Variants in ZBBX observed in about 807,000 individuals in gnomAD.
ZBBX encodes zinc finger B-box domain containing.
A neutral mutation model predicts 108.5 loss-of-function variants in ZBBX; 101 were observed. The ratio of observed to expected loss-of-function variants is 0.93; its 90% CI spans 0.79 to 1.10. The LOEUF is 1.10. Ranked by LOEUF, ZBBX falls within the 50% of genes least tolerant of loss-of-function variation. The pLI, the probability that ZBBX is intolerant of heterozygous loss-of-function variation, is 0.00. For synonymous variants in ZBBX, 356 were observed against 323.4 expected (o/e 1.10, Z -1.08); for missense variants, 1,009 against 941.4 (o/e 1.07, Z -0.94).
downstream of ZBBX, among the ~76,000 whole-genome samples, chr3:167,237,102 G>A (rs1177803413): frequency 1.3e-5 from 2 of 151,616 alleles, no homozygotes; most frequent in African/African-American, 2.4e-5. Context: ...AAATAGCTGA[G>A]AAGCCATTTC....
intron 9 of ZBBX, among the ~76,000 whole-genome samples, chr3:167,341,134 C>T (rs949267824): frequency 1.3e-5 from 2 of 151,824 alleles, no homozygotes; most frequent in African/African-American, 2.4e-5. Context: ...TTAACCTTTC[C>T]TCTAAAGGTC....
chr3:167,249,883 G>C (rs1722272445), intron 20 of ZBBX, among the ~76,000 whole-genome samples: 1 of 152,172 alleles, frequency 6.6e-6, no homozygotes, highest in Non-Finnish European at 1.5e-5. Flanking sequence ...TGGGATCCCA[G>C]TGACGAGATG....
chr3:167,331,168 T>C (rs1338779415), intron 10 of ZBBX, among the ~76,000 whole-genome samples: 2 of 100,552 alleles, frequency 2.0e-5, no homozygotes, highest in Non-Finnish European at 2.0e-5. Flanking sequence ...TATTTTGTTA[T>C]GGCAGCCTGA....
Position 167,398,883 on chromosome 3 carries a change from A to G in ZBBX, c.-446+8843T>C, listed in dbSNP as rs141585130. The stretch of plus-strand genomic sequence containing the variant: ...GGTTATTAAGGTTCTGCCCTCATGA[A>G]TGGGTTAATCTATTCATGGATTAAT... On this transcript the variant is annotated intron_variant, in intron 1 of 21. Coordinates refer to the ZBBX transcript ENST00000455345. Among the ~76,000 whole-genome samples the G allele has an allele frequency of 3.1e-3, 468 of 152,104 alleles. 6 individuals are homozygous for G. The highest frequency in any genetic ancestry group is 0.011 in the African/African-American group (441 of 41,520).
chr3:167,349,266 T>A (rs1433677697), intron 9 of ZBBX, among the ~76,000 whole-genome samples: 1 of 152,112 alleles, frequency 6.6e-6, no homozygotes, highest in Admixed American at 6.6e-5. Flanking sequence ...ACAGTATTTA[T>A]CTACAAAGTA....
At chr3:167,404,441 AC>A (rs1449017876) in intron 1 of ZBBX, among the ~76,000 whole-genome samples, 46 of 152,214 alleles carry the variant, frequency 3.0e-4, no homozygotes, top group African/African-American at 1.1e-3. Context: ...AAAACCAATC[AC>A]TGAGACAATG....
chr3:167,320,235 A>G (rs1736199959), intron 12 of ZBBX, among the ~76,000 whole-genome samples: 2 of 140,038 alleles, frequency 1.4e-5, no homozygotes, highest in Admixed American at 1.5e-4. Flanking sequence ...TGTTCAAAGC[A>G]AACTAACCAA....
chr3:167,364,249 T>A (rs920331745), intron 6 of ZBBX, among the ~76,000 whole-genome samples: 1 of 151,720 alleles, frequency 6.6e-6, no homozygotes, highest in African/African-American at 2.4e-5. Context: ...TGTTAACAAC[T>A]GAAAATGTCT....
chr3:167,265,783 C>A (rs1175476743), intron 20 of ZBBX, among the ~76,000 whole-genome samples: 2 of 152,222 alleles, frequency 1.3e-5, no homozygotes, highest in Non-Finnish European at 2.9e-5. Context: ...GGATGATTCC[C>A]CTCTGGAATG....
chr3:167,327,811 G>T, intron 11 of ZBBX, 131 bp downstream of exon 11: 3 of 904,864 alleles, frequency 3.3e-6, no homozygotes, highest in Non-Finnish European at 4.8e-6. Context: ...CTACTCAGAA[G>T]GCTGAGGCAG....
At chr3:167,395,904 A>G (rs1242016667) in intron 1 of ZBBX, among the ~76,000 whole-genome samples, 1 of 152,010 alleles carries the variant, frequency 6.6e-6, no homozygotes, top group Non-Finnish European at 1.5e-5. Context: ...CATGACATAT[A>G]TGGAACCTTC....
chr3:167,349,658 T>C (rs1742302600), intron 9 of ZBBX, among the ~76,000 whole-genome samples: 1 of 152,050 alleles, frequency 6.6e-6, no homozygotes, highest in East Asian at 1.9e-4. Flanking sequence ...ACAGATAATA[T>C]TAAAACCCTT....
the ZBBX span, among the ~76,000 whole-genome samples, chr3:167,191,910 T>TAG: frequency 1.1e-4 from 13 of 122,220 alleles, 1 homozygote; most frequent in African/African-American, 3.7e-4. Flanking sequence ...TATATATATA[T>TAG]ATATATATAT....
chr3:167,341,810 G>A (rs745557443), intron 9 of ZBBX, among the ~76,000 whole-genome samples: 17 of 151,906 alleles, frequency 1.1e-4, no homozygotes, highest in Non-Finnish European at 1.9e-4. Flanking sequence ...TATATGCAAT[G>A]AAATGGATAA....
the ZBBX span, among the ~76,000 whole-genome samples, chr3:167,179,073 A>C: frequency 0.21 from 32,323 of 152,046 alleles, 3,713 homozygotes; most frequent in Non-Finnish European, 0.27. Context: ...CCCATCACCG[A>C]GAAACACTGC....
the ZBBX span, among the ~76,000 whole-genome samples, chr3:167,202,681 A>T: frequency 2.0e-5 from 3 of 152,120 alleles, no homozygotes; most frequent in South Asian, 6.2e-4. Flanking sequence ...AAAACCCTGA[A>T]AATGGAAGTT....
chr3:167,251,402 G>A (rs1722578011), intron 20 of ZBBX, among the ~76,000 whole-genome samples: 1 of 152,128 alleles, frequency 6.6e-6, no homozygotes, highest in Non-Finnish European at 1.5e-5. Context: ...ACCCACTGGG[G>A]CCTTAGCATC....
the ZBBX span, among the ~76,000 whole-genome samples, chr3:167,181,837 T>C: frequency 3.3e-5 from 5 of 152,164 alleles, no homozygotes; most frequent in African/African-American, 1.2e-4. Context: ...AATCCTACTG[T>C]CCCCGCTGGC....
chr3:167,192,974 G>A, the ZBBX span, among the ~76,000 whole-genome samples: 3 of 152,084 alleles, frequency 2.0e-5, no homozygotes, highest in African/African-American at 4.8e-5. Flanking sequence ...TCACTCACTG[G>A]TTCCTTGCTC....
Sources: gnomAD v4.1 joint callset for allele counts (sites outside exome capture counted in the v4.1 genomes callset) on GRCh38, gnomAD v4.1.1 for gene constraint, MANE v1.5 for transcripts, NCBI Gene and HGNC (gene_info 2026-07-23, HGNC 2026-07-21) for gene names.